The following GBA2 variants were observed in gnomAD, a reference collection of about 807,000 sequenced individuals.
GBA2 encodes non-lysosomal glucosylceramidase.
GBA2 carries 79 observed loss-of-function variants against 112.9 expected under a neutral mutation model. The observed-to-expected ratio is 0.70, with a 90% confidence interval of 0.58 to 0.84. The LOEUF is 0.84. Ranked by LOEUF, GBA2 falls within the 40% of genes least tolerant of loss-of-function variation. The pLI, the probability that GBA2 is intolerant of heterozygous loss-of-function variation, is 0.00. For missense variants in GBA2, 1,043 were observed against 1,190.0 expected (o/e 0.88, Z 1.82); for synonymous variants, 403 against 434.3 (o/e 0.93, Z 0.90).
Position 35,740,748 on chromosome 9 carries a change from T to G in GBA2, c.1026+77A>C. On this transcript the variant is annotated intron_variant, in intron 5 of 16. Coordinates refer to ENST00000378103, the MANE Select transcript of GBA2 (RefSeq NM_020944.3). This position sits in a 1 kb window ranked among gnomAD's most constrained non-coding sequence, Gnocchi z 4.7. ...GGCCCAGGGGCTTACAGGAGTATGA[T>G]GAGGGTGGATGAAGAGACCATGCTG... The G allele has an allele frequency of 6.4e-7, 1 of 1,569,360 alleles. No individual in the cohort carries two copies.
Position 35,737,283 on chromosome 9 carries a change from C to G in GBA2, c.2670G>C (p.Leu890=). Residue 890 remains leucine, a synonymous_variant, in exon 17 of 17, where the codon CTG becomes CTC. Coordinates refer to ENST00000378103, the MANE Select transcript of GBA2 (RefSeq NM_020944.3). This position sits in a 1 kb window ranked among gnomAD's most constrained non-coding sequence, Gnocchi z 4.1. ...AGGCCTTTTTGTGCTGCTGCTGTTG[C>G]AGGGCTAGCTGCATGGCCCATATGC... ...PLSIWAMQLA[L]QQQQHKKASW... 1 of 1,614,074 alleles carries G rather than the reference C, an allele frequency of 6.2e-7. No individual in the cohort carries two copies. Among genetic ancestry groups the G allele is most frequent in the Non-Finnish European group, 8.5e-7 (1 of 1,180,032 alleles).
Sources: gnomAD v4.1 joint callset for allele counts on GRCh38, gnomAD v4.1.1 for gene constraint, Gnocchi (gnomAD v3.1) non-coding constraint, MANE v1.5 for transcripts, NCBI Gene and HGNC (gene_info 2026-07-23, HGNC 2026-07-21) for gene names.